Variants in ABCC2 observed in about 807,000 individuals in gnomAD.
The protein encoded by ABCC2 is ATP binding cassette subfamily C member 2.
Under a neutral mutation model 173.4 loss-of-function variants are expected in ABCC2, and 157 were observed. The ratio of observed to expected loss-of-function variants is 0.91; its 90% CI spans 0.80 to 1.03. The LOEUF is 1.03. Ranked by LOEUF, ABCC2 falls within the 50% of genes least tolerant of loss-of-function variation. The pLI is 0.00. For synonymous variants in ABCC2, 657 were observed against 693.5 expected, an observed-to-expected ratio of 0.95 and a Z score of 0.83; for missense variants, 1,822 against 1,852.3, an observed-to-expected ratio of 0.98 and a Z score of 0.30.
At chr10:99,824,246 T>G (rs1304651462) in intron 19 of ABCC2, among the ~76,000 whole-genome samples, 1 of 151,762 alleles carries the variant, frequency 6.6e-6, no homozygotes, top group African/African-American at 2.4e-5. Flanking sequence ...CCAGCAATTT[T>G]TGAAAATAAT....
chr10:99,829,320 G>A (rs2038698519), intron 19 of ABCC2, among the ~76,000 whole-genome samples: 1 of 152,168 alleles, frequency 6.6e-6, no homozygotes, highest in South Asian at 2.1e-4. Context: ...AGGGGGGACA[G>A]AAATAGGGTA....
chr10:99,805,467 T>C lies in ABCC2; in HGVS notation c.1530+20T>C. 1.2e-6 allele frequency: 2 copies of C among 1,611,900 alleles called. No individual in the cohort carries two copies. Among genetic ancestry groups the C allele is most frequent in the Non-Finnish European group, 1.7e-6 (2 of 1,178,038 alleles). ...ATCAAGGTGAGAATCTGAGCGTAGG[T>C]GGCTCTCTGTGGGTAAGGACAGAAG... On this transcript the variant is annotated intron_variant, in intron 11 of 31. Transcript: ENST00000647814.
chr10:99,844,912 G>A lies in ABCC2; in HGVS notation c.3987+447G>A, dbSNP rs1454590319. 2.0e-5 allele frequency among the ~76,000 whole-genome samples: 3 copies of A among 152,200 alleles called. No homozygotes were observed. In the East Asian group the frequency reaches 5.8e-4, roughly 29 times the overall value. On this transcript the variant is annotated intron_variant, in intron 28 of 31. Coordinates refer to ENST00000647814, the MANE Select transcript of ABCC2 (RefSeq NM_000392.5). ...TGCTGTTGTTCTCCGAGGACTTGGG[G>A]TCTGATGAGCAAGGACGCTGAGGTC...
intron 9 of ABCC2, among the ~76,000 whole-genome samples, 171 bp downstream of exon 9, chr10:99,800,734 G>A (rs897850084): frequency 1.3e-5 from 2 of 152,186 alleles, no homozygotes; most frequent in Admixed American, 1.3e-4. Flanking sequence ...TTTGAGAAGT[G>A]TGTTCACAGA....
chr10:99,824,868 A>G lies in ABCC2; in HGVS notation c.2621-5439A>G, dbSNP rs530015090. Among the ~76,000 whole-genome samples, 4 of 85,464 alleles carry G rather than the reference A, an allele frequency of 4.7e-5. 1 individual carries two copies. The South Asian group carries it at 1.1e-3, about 24-fold the overall frequency. 56.1% of individuals were successfully genotyped at this position (85,464 alleles called of 152,430 possible). A position where few individuals can be genotyped will look rare whatever the true frequency, so the allele number is the denominator to read the frequency against. On this transcript the variant is annotated intron_variant, in intron 19 of 31. Transcript: ENST00000647814. ...ATTCCAAGGCGAGAACGAAGGCTCA[A>G]TGTGACCCTTTTCTAACTGTTCATT...
intron 5 of ABCC2, 39 bp downstream of exon 5, chr10:99,794,038 T>C (rs1455774619): frequency 3.9e-6 from 6 of 1,520,060 alleles, no homozygotes; most frequent in Non-Finnish European, 5.5e-6. Flanking sequence ...TATTACTTAA[T>C]TGGATGATAT....
chr10:99,801,598 C>T (rs943338994), intron 9 of ABCC2, among the ~76,000 whole-genome samples: 15 of 152,142 alleles, frequency 9.9e-5, no homozygotes, highest in African/African-American at 3.4e-4. Context: ...GTCCTCCATA[C>T]CAAGATGAAG....
intron 19 of ABCC2, among the ~76,000 whole-genome samples, chr10:99,821,520 G>A (rs2038537654): frequency 2.0e-5 from 3 of 152,242 alleles, no homozygotes; most frequent in Middle Eastern, 3.4e-3. Flanking sequence ...CGCAGTTTTT[G>A]TGTCCCTGGG....
At chr10:99,792,381 C>T in intron 3 of ABCC2, 22 bp downstream of exon 3, 3 of 1,612,980 alleles carry the variant, frequency 1.9e-6, no homozygotes, top group Non-Finnish European at 2.5e-6. Context: ...ACCACTTCTG[C>T]CCTGTTTACC....
At chr10:99,834,671 T>A (rs1338950987) in intron 24 of ABCC2, 136 bp downstream of exon 24, 5 of 1,104,600 alleles carry the variant, frequency 4.5e-6, no homozygotes, top group Non-Finnish European at 6.9e-6. Context: ...TTTAGTCATA[T>A]GTTGACATAC....
At chr10:99,847,552 G>A (rs562583141) in intron 30 of ABCC2, among the ~76,000 whole-genome samples, 3 of 151,866 alleles carry the variant, frequency 2.0e-5, no homozygotes, top group Non-Finnish European at 2.9e-5. Flanking sequence ...GCAGTGAGCC[G>A]AGATTGCACC....
rs745923936 is a variant in ABCC2 at position 99,842,088 on chromosome 10, C to G, written c.3736C>G (p.Leu1246Val). 1 of 1,614,154 alleles carries G rather than the reference C, an allele frequency of 6.2e-7. No individual in the cohort carries two copies. Among genetic ancestry groups the G allele is most frequent in the Non-Finnish European group, 8.5e-7 (1 of 1,180,020 alleles). The part of the protein sequence containing the change: ...DTVGFVLSNA[L>V]NITQTLNWLV... ...TGTTGGCTTTGTTCTGTCCAATGCACTCAATGTGAGTTTGAAGGTTGGGAG... is the reference window on the plus strand; with the variant it reads ...TGTTGGCTTTGTTCTGTCCAATGCAGTCAATGTGAGTTTGAAGGTTGGGAG... The change falls in exon 26 of 32, where the codon CTC becomes GTC. Residue 1246 changes from leucine (L) to valine (V), a missense_variant. Coordinates refer to ENST00000647814, the MANE Select transcript of ABCC2 (RefSeq NM_000392.5).
In ABCC2 at chr10:99,793,531, T is replaced by A. The variant is rs201951919; in HGVS notation, c.334-20T>A. The A allele has an allele frequency of 8.1e-6, 13 of 1,613,902 alleles. No individual in the cohort carries two copies. Among genetic ancestry groups the A allele is most frequent in the Middle Eastern group, 1.6e-4 (1 of 6,078 alleles). Reference sequence around the variant, plus strand: ...GTTAGTGGCAGTATTCTTCAGAACATCATGTGAATTTCTCTCCAGCTCCTG... The same window carrying A: ...GTTAGTGGCAGTATTCTTCAGAACAACATGTGAATTTCTCTCCAGCTCCTG... On this transcript the variant is annotated intron_variant, in intron 3 of 31. Coordinates refer to ENST00000647814, the MANE Select transcript of ABCC2 (RefSeq NM_000392.5).
At chr10:99,811,342 A>G (rs1399031962) in intron 14 of ABCC2, among the ~76,000 whole-genome samples, 194 bp from the exon 15 acceptor site, 1 of 151,514 alleles carries the variant, frequency 6.6e-6, no homozygotes, top group African/African-American at 2.4e-5. Flanking sequence ...AAAAAAAAAA[A>G]GGACTTCATA....
chr10:99,836,373 G>A, intron 25 of ABCC2, 83 bp downstream of exon 25: 1 of 1,401,630 alleles, frequency 7.1e-7, no homozygotes, highest in Non-Finnish European at 1.0e-6. Context: ...GGCAGGCATG[G>A]CTAGTGGTGT....
Position 99,792,202 on chromosome 10 carries a change from T to A in ABCC2, c.208-32T>A, listed in dbSNP as rs755517291. The A allele has an allele frequency of 1.1e-5, 18 of 1,613,210 alleles. No homozygotes were observed. The East Asian group carries it at 1.3e-4, about 12-fold the overall frequency. On this transcript the variant is annotated intron_variant, in intron 2 of 31. Coordinates refer to ENST00000647814, the MANE Select transcript of ABCC2 (RefSeq NM_000392.5). ...TCTAAGAGCCTTATAAAGAATGATATCCTCTTAACAGTGGTCTTTTTCCCT... is the reference window on the plus strand; with the variant it reads ...TCTAAGAGCCTTATAAAGAATGATAACCTCTTAACAGTGGTCTTTTTCCCT...
At chr10:99,800,273 G>C (rs1473729729) in intron 8 of ABCC2, 113 bp from the exon 9 acceptor site, 8 of 1,130,558 alleles carry the variant, frequency 7.1e-6, no homozygotes, top group Non-Finnish European at 1.1e-5. Context: ...GACAATTCTG[G>C]TCACTTTTGT....
chr10:99,821,261 A>G (rs2038532356), intron 19 of ABCC2, among the ~76,000 whole-genome samples: 2 of 152,232 alleles, frequency 1.3e-5, no homozygotes, highest in South Asian at 4.1e-4. Flanking sequence ...TGGAACATAC[A>G]ATCGGGTTTT....
intron 4 of ABCC2, 86 bp from the exon 5 acceptor site, chr10:99,793,806 T>A: frequency 5.1e-6 from 8 of 1,568,588 alleles, no homozygotes; most frequent in Non-Finnish European, 6.1e-6. Flanking sequence ...ATCATAGGCT[T>A]TAATCACAAG....
Sources: allele counts gnomAD v4.1 joint callset (sites outside exome capture counted in the v4.1 genomes callset), GRCh38; gene constraint gnomAD v4.1.1; transcripts MANE v1.5; gene names NCBI Gene and HGNC (gene_info 2026-07-23, HGNC 2026-07-21).